The following ZFPM2 variants were observed in gnomAD, a reference collection of about 807,000 sequenced individuals.
ZFPM2 encodes the protein zinc finger protein ZFPM2.
Under a neutral mutation model 98.6 loss-of-function variants are expected in ZFPM2, and 20 were observed. The ratio of observed to expected loss-of-function variants is 0.20; its 90% CI spans 0.14 to 0.29. The LOEUF (loss-of-function observed/expected upper bound fraction) is 0.29. Among genes scored for constraint, ZFPM2 ranks in the 10% least tolerant of loss-of-function variants. The probability of loss-of-function intolerance (pLI) is 1.00; values close to 1 mark genes in which losing one functional copy is unlikely to be tolerated. For synonymous variants in ZFPM2, 518 were observed against 502.7 expected (o/e 1.03, Z -0.41); for missense variants, 1,310 against 1,388.6 (o/e 0.94, Z 0.90).
intron 5 of ZFPM2, among the ~76,000 whole-genome samples, chr8:105,714,519 A>G (rs980841488): frequency 6.6e-6 from 1 of 152,176 alleles, no homozygotes; most frequent in Admixed American, 6.6e-5. Context: ...CAAATTATAT[A>G]AACTAATGAT....
intron 1 of ZFPM2, among the ~76,000 whole-genome samples, chr8:105,413,868 C>T (rs1179433285): frequency 6.6e-6 from 1 of 151,824 alleles, no homozygotes; most frequent in East Asian, 1.9e-4. Flanking sequence ...AAATGGGATA[C>T]ATTGGGAAGC....
At chr8:105,375,291 G>A (rs73298200) in intron 1 of ZFPM2, among the ~76,000 whole-genome samples, 12,942 of 152,132 alleles carry the variant, frequency 0.085, 1,764 homozygotes, top group African/African-American at 0.29. Flanking sequence ...TTGATGGAAA[G>A]AGCCCTAAGA....
At chr8:105,489,640 T>A (rs1813318816) in intron 3 of ZFPM2, among the ~76,000 whole-genome samples, 1 of 151,154 alleles carries the variant, frequency 6.6e-6, no homozygotes, top group Admixed American at 6.6e-5. Context: ...ATTTTTGTAT[T>A]TTTAGTAGAA....
At chr8:105,656,331 TC>T (rs979338755) in intron 5 of ZFPM2, among the ~76,000 whole-genome samples, 6 of 152,248 alleles carry the variant, frequency 3.9e-5, no homozygotes, top group African/African-American at 1.4e-4. Flanking sequence ...AGGTTTTTCT[TC>T]TGTAACTTAC....
At chr8:105,346,996 A>G (rs1563614435) in intron 1 of ZFPM2, among the ~76,000 whole-genome samples, 3 of 152,176 alleles carry the variant, frequency 2.0e-5, no homozygotes, top group African/African-American at 7.2e-5. Flanking sequence ...GGTACAATGC[A>G]GAATGAAGTG....
At chr8:105,519,223 T>C (rs1814000277) in intron 3 of ZFPM2, among the ~76,000 whole-genome samples, 1 of 152,074 alleles carries the variant, frequency 6.6e-6, no homozygotes, top group African/African-American at 2.4e-5. Context: ...CCAGAGCCCG[T>C]GTGTTTAAGT....
At chr8:105,658,808 G>A (rs1041692540) in intron 5 of ZFPM2, among the ~76,000 whole-genome samples, 3 of 151,982 alleles carry the variant, frequency 2.0e-5, no homozygotes, top group African/African-American at 7.2e-5. Flanking sequence ...CTTCCACAAA[G>A]CAATAGAGCT....
At chr8:105,483,151 G>A (rs541002262) in intron 3 of ZFPM2, among the ~76,000 whole-genome samples, 51 of 151,820 alleles carry the variant, frequency 3.4e-4, no homozygotes, top group African/African-American at 1.1e-3. Flanking sequence ...ATGAGCCACG[G>A]CACACAGCCT....
At chr8:105,664,756 A>G (rs1303752626) in intron 5 of ZFPM2, among the ~76,000 whole-genome samples, 4 of 152,220 alleles carry the variant, frequency 2.6e-5, no homozygotes, top group African/African-American at 9.6e-5. Context: ...TAAAAAAATC[A>G]GTTCAGAGGG....
chr8:105,595,589 C>T (rs1272827856), intron 4 of ZFPM2, among the ~76,000 whole-genome samples: 1 of 152,044 alleles, frequency 6.6e-6, no homozygotes, highest in African/African-American at 2.4e-5. Flanking sequence ...GTCATGAAAG[C>T]ATGAAACAAA....
At chr8:105,630,828 A>G (rs924874515) in intron 4 of ZFPM2, among the ~76,000 whole-genome samples, 1 of 152,120 alleles carries the variant, frequency 6.6e-6, no homozygotes, top group East Asian at 1.9e-4. Flanking sequence ...GTAAACCATT[A>G]ATATTGTTTT....
intron 3 of ZFPM2, among the ~76,000 whole-genome samples, chr8:105,455,740 A>G (rs1283925381): frequency 6.6e-6 from 1 of 152,156 alleles, no homozygotes; most frequent in African/African-American, 2.4e-5. Flanking sequence ...CTCTATGTAG[A>G]ATATTTTGAC....
intron 3 of ZFPM2, among the ~76,000 whole-genome samples, chr8:105,560,110 G>A (rs1815097036): frequency 6.6e-6 from 1 of 151,036 alleles, no homozygotes; most frequent in African/African-American, 2.4e-5. Flanking sequence ...GGGAGGCTGG[G>A]GCAGGAGAAA....
At chr8:105,686,820 C>T (rs900407141) in intron 5 of ZFPM2, among the ~76,000 whole-genome samples, 3 of 152,200 alleles carry the variant, frequency 2.0e-5, no homozygotes, top group African/African-American at 7.2e-5. Flanking sequence ...AAATTCATCA[C>T]ATCACATGCC....
intron 1 of ZFPM2, among the ~76,000 whole-genome samples, chr8:105,380,162 G>A (rs1810818400): frequency 6.6e-6 from 1 of 152,116 alleles, no homozygotes; most frequent in African/African-American, 2.4e-5. Context: ...AAAGTCAATA[G>A]TTATTTGTAG....
At chr8:105,391,967 T>G (rs1811117749) in intron 1 of ZFPM2, among the ~76,000 whole-genome samples, 1 of 152,228 alleles carries the variant, frequency 6.6e-6, no homozygotes, top group South Asian at 2.1e-4. Context: ...GATTACTTTG[T>G]TCAGGTCCAT....
chr8:105,714,970 A>G (rs1811484273), intron 5 of ZFPM2, among the ~76,000 whole-genome samples: 1 of 152,130 alleles, frequency 6.6e-6, no homozygotes, highest in African/African-American at 2.4e-5. Context: ...ACCATTGATA[A>G]ACAAGTGAAC....
At chr8:105,508,979 C>T (rs1813759305) in intron 3 of ZFPM2, among the ~76,000 whole-genome samples, 3 of 151,758 alleles carry the variant, frequency 2.0e-5, no homozygotes, top group Admixed American at 6.6e-5. Flanking sequence ...TGTGATGGGC[C>T]CCATTTACAT....
intron 5 of ZFPM2, among the ~76,000 whole-genome samples, chr8:105,742,655 G>T (rs933479832): frequency 1.3e-5 from 2 of 152,040 alleles, no homozygotes; most frequent in African/African-American, 4.8e-5. Context: ...ATTTTAGGAG[G>T]CTGAGTTGGG....
Sources: allele counts gnomAD v4.1 joint callset (sites outside exome capture counted in the v4.1 genomes callset), GRCh38; gene constraint gnomAD v4.1.1; transcripts MANE v1.5; gene names NCBI Gene and HGNC (gene_info 2026-07-23, HGNC 2026-07-21).